The following SDK1 variants were observed in gnomAD, a reference collection of about 807,000 sequenced individuals.
The protein encoded by SDK1 is protein sidekick-1.
SDK1 carries 157 observed loss-of-function variants against 245.5 expected under a neutral mutation model. The observed-to-expected ratio is 0.64, with a 90% CI of 0.56 to 0.73. The LOEUF (loss-of-function observed/expected upper bound fraction) is 0.73. SDK1 is among the 30% of genes least tolerant of loss of function. The probability of loss-of-function intolerance (pLI) is 0.00; values close to 1 mark genes in which losing one functional copy is unlikely to be tolerated. For synonymous variants in SDK1, 1,647 were observed against 1,278.5 expected (o/e 1.29, Z -6.15); for missense variants, 3,583 against 3,002.3 (o/e 1.19, Z -4.52).
intron 5 of SDK1, among the ~76,000 whole-genome samples, chr7:3,946,932 A>G (rs927847894): frequency 6.6e-6 from 1 of 152,224 alleles, no homozygotes; most frequent in Non-Finnish European, 1.5e-5. Flanking sequence ...GCTTTTCTCT[A>G]TTTAGCCCTT....
intron 17 of SDK1, among the ~76,000 whole-genome samples, chr7:4,029,665 G>A (rs570631731): frequency 3.3e-5 from 5 of 152,248 alleles, no homozygotes; most frequent in Middle Eastern, 6.8e-3. Flanking sequence ...CCCAAAGAGT[G>A]TGATTTACTT....
chr7:3,580,263 A>G (rs1330388411), intron 1 of SDK1, among the ~76,000 whole-genome samples: 4 of 152,186 alleles, frequency 2.6e-5, no homozygotes, highest in African/African-American at 9.6e-5. Context: ...AACTACCCAT[A>G]ACATTCTTCA....
chr7:4,181,687 C>A (rs1782612156), intron 35 of SDK1, among the ~76,000 whole-genome samples: 1 of 152,228 alleles, frequency 6.6e-6, no homozygotes, highest in South Asian at 2.1e-4. Context: ...GCCACCTGCA[C>A]CCTTTGCAGT....
intron 1 of SDK1, among the ~76,000 whole-genome samples, chr7:3,509,534 G>A (rs1328608191): frequency 6.6e-6 from 1 of 152,118 alleles, no homozygotes; most frequent in Non-Finnish European, 1.5e-5. Flanking sequence ...CAATGTTTGG[G>A]GCCGTTGTGT....
At chr7:4,146,788 A>G (rs1166762704) in intron 29 of SDK1, among the ~76,000 whole-genome samples, 1 of 152,234 alleles carries the variant, frequency 6.6e-6, no homozygotes, top group African/African-American at 2.4e-5. Flanking sequence ...CATGCACTGC[A>G]CTTGGCCTAT....
chr7:4,266,161 G>T lies in SDK1; in HGVS notation c.*777G>T. Reference sequence around the variant, plus strand: ...CTGGCCCTCTCCTTCCCCGAACACAGCACACGGTCAACTCCGCGGGACACG... The same window carrying T: ...CTGGCCCTCTCCTTCCCCGAACACATCACACGGTCAACTCCGCGGGACACG... On this transcript the variant is annotated 3_prime_UTR_variant, in exon 45 of 45. Transcript: ENST00000404826. The T allele has an allele frequency of 1.0e-6, 1 of 985,496 alleles. No individual in the cohort carries two copies. The allele number at this position is 985,496 out of a possible 1,614,324, so 61.0% of individuals were successfully genotyped here.
At chr7:4,080,057 G>C (rs1584054702) in intron 22 of SDK1, among the ~76,000 whole-genome samples, 1 of 152,322 alleles carries the variant, frequency 6.6e-6, no homozygotes, top group East Asian at 1.9e-4. Context: ...CTGAGTTTCT[G>C]CTGTCGAGGA....
intron 4 of SDK1, among the ~76,000 whole-genome samples, chr7:3,796,588 A>C (rs892496351): frequency 6.6e-6 from 1 of 152,110 alleles, no homozygotes; most frequent in Non-Finnish European, 1.5e-5. Flanking sequence ...AGCCAGGCGC[A>C]ACCACTTCTT....
chr7:3,877,878 T>C lies in SDK1; in HGVS notation c.847+56295T>C, dbSNP rs1202303046. Among the ~76,000 whole-genome samples the C allele has an allele frequency of 2.6e-5, 4 of 151,984 alleles. No individual in the cohort carries two copies. The East Asian group carries it at 7.8e-4, about 30-fold the overall frequency. Reference sequence around the variant, plus strand: ...AATGTATTTAGCCATCAATGGAATTTAGGTTACTTGCAGTGAACTGCAGTG... The same window carrying C: ...AATGTATTTAGCCATCAATGGAATTCAGGTTACTTGCAGTGAACTGCAGTG... On this transcript the variant is annotated intron_variant, in intron 5 of 44. Coordinates refer to ENST00000404826, the MANE Select transcript of SDK1 (RefSeq NM_152744.4).
intron 17 of SDK1, among the ~76,000 whole-genome samples, chr7:4,045,042 G>A (rs977339968): frequency 2.6e-5 from 4 of 152,070 alleles, no homozygotes; most frequent in Non-Finnish European, 5.9e-5. Context: ...TTCAGAACCT[G>A]GCTTCCTTCC....
intron 4 of SDK1, among the ~76,000 whole-genome samples, chr7:3,748,670 A>G (rs990361899): frequency 6.6e-6 from 1 of 152,198 alleles, no homozygotes; most frequent in Non-Finnish European, 1.5e-5. Context: ...TCATGTATTG[A>G]ACTGTAAAAA....
intron 4 of SDK1, among the ~76,000 whole-genome samples, chr7:3,765,443 G>T (rs986603829): frequency 6.6e-6 from 1 of 152,144 alleles, no homozygotes; most frequent in Admixed American, 6.5e-5. Context: ...GTTCTTTTAT[G>T]TCTGACTTCC....
At chr7:3,546,002 C>T (rs1333038443) in intron 1 of SDK1, among the ~76,000 whole-genome samples, 1 of 152,186 alleles carries the variant, frequency 6.6e-6, no homozygotes, top group African/African-American at 2.4e-5. Context: ...TTTCTGTCTT[C>T]ATTATTTTAT....
intron 4 of SDK1, among the ~76,000 whole-genome samples, chr7:3,656,710 G>C (rs1205278216): frequency 6.6e-6 from 1 of 151,036 alleles, no homozygotes. Context: ...GTCTTATCTG[G>C]TCTTATCTCA....
intron 4 of SDK1, among the ~76,000 whole-genome samples, chr7:3,774,417 C>A (rs1025272787): frequency 2.0e-5 from 3 of 152,078 alleles, no homozygotes; most frequent in Admixed American, 6.5e-5. Flanking sequence ...TTTTGCCTAC[C>A]AAGGCTCCTG....
In SDK1 at chr7:4,110,680, C is replaced by T. The variant is rs6980076; in HGVS notation, c.3342C>T (p.Asp1114=). 8,716 of 1,613,178 alleles carry T rather than the reference C, an allele frequency of 5.4e-3. 255 individuals carry two copies. The African/African-American group carries it at 0.079, about 15-fold the overall frequency. The change falls in exon 23 of 45, where the codon GAC becomes GAT. Residue 1114 remains aspartate, a synonymous_variant. Coordinates refer to ENST00000404826, the MANE Select transcript of SDK1 (RefSeq NM_152744.4). ...CTGCACAGGTGGGAGCTATCGGCGACGAGGAGGAGTGGGTCACCCTCTATG... is the reference window on the plus strand; with the variant it reads ...CTGCACAGGTGGGAGCTATCGGCGATGAGGAGGAGTGGGTCACCCTCTATG... ...IVEGQVGAIG[D]EEEWVTLYEE...
rs1184977372 is a variant in SDK1, at chr7:4,139,475, GTATA to G, written c.4229-6245_4229-6242del. Among the ~76,000 whole-genome samples the G allele has an allele frequency of 5.5e-4, 75 of 135,162 alleles. 6 individuals are homozygous for G. Among genetic ancestry groups the G allele is most frequent in the African/African-American group, 2.2e-3 (68 of 30,314 alleles). The allele number at this position is 135,162 out of a possible 152,430, so 88.7% of individuals were successfully genotyped here. On this transcript the variant is annotated intron_variant, in intron 28 of 44. Coordinates refer to ENST00000404826, the MANE Select transcript of SDK1 (RefSeq NM_152744.4). The stretch of plus-strand genomic sequence containing the variant: ...TGTGTGTATATGTATATATGTGTGT[GTATA>G]TGTGTGTGTATATATGTGTGTGTGT...
At chr7:3,492,088 G>A (rs890049491) in intron 1 of SDK1, among the ~76,000 whole-genome samples, 6 of 152,194 alleles carry the variant, frequency 3.9e-5, no homozygotes, top group African/African-American at 1.4e-4. Flanking sequence ...ATGTTATTTG[G>A]CAGGATAAAA....
intron 4 of SDK1, among the ~76,000 whole-genome samples, chr7:3,809,471 G>T (rs904976897): frequency 3.4e-4 from 52 of 152,256 alleles, no homozygotes; most frequent in African/African-American, 1.2e-3. Flanking sequence ...GCCATCGCAG[G>T]TGCTCCCGTC....
Sources: gnomAD v4.1 joint callset for allele counts (sites outside exome capture counted in the v4.1 genomes callset) on GRCh38, gnomAD v4.1.1 for gene constraint, MANE v1.5 for transcripts, NCBI Gene and HGNC (gene_info 2026-07-23, HGNC 2026-07-21) for gene names.